DDX49: variants seen among roughly 807,000 people sequenced by gnomAD.
DDX49 encodes the protein DEAD-box helicase 49.
In DDX49, 50 loss-of-function variants were observed where a neutral mutation model predicts 56.3. The observed-to-expected ratio is 0.89, with a 90% confidence interval of 0.71 to 1.12. The LOEUF is 1.12. Among genes scored for constraint, DDX49 ranks in the 50% most tolerant of loss-of-function variants. DDX49 has a pLI of 0.00. For missense variants in DDX49, 614 were observed against 650.5 expected, an observed-to-expected ratio of 0.94 and a Z score of 0.61; for synonymous variants, 269 against 270.6, an observed-to-expected ratio of 0.99 and a Z score of 0.06.
chr19:18,921,869 T>G lies in DDX49; in HGVS notation c.352T>G (p.Ser118Ala), dbSNP rs1458505998. Residue 118 changes from serine to alanine, a missense_variant, in exon 4 of 13, where the codon TCT becomes GCT. Physicochemically the swap from Ser to Ala is moderately conservative, Grantham distance 99. Transcript: ENST00000247003. ...MDMVAQALEL[S>A]RKPHVVIATP... The stretch of plus-strand genomic sequence containing the variant: ...CATGGTGGCCCAGGCGCTGGAGCTC[T>G]CTCGGAAACCACACGTGGTCATCGC... The G allele has an allele frequency of 3.1e-6, 5 of 1,614,020 alleles. No individual in the cohort carries two copies. Among genetic ancestry groups the G allele is most frequent in the Non-Finnish European group, 4.2e-6 (5 of 1,180,020 alleles).
rs1196288239 is a variant in DDX49 at position 18,919,857 on chromosome 19, G to A, written c.115+1G>A. The A allele has an allele frequency of 6.3e-7, 1 of 1,596,362 alleles. No homozygotes were observed. ...GGCTGCATCCCCGCCATCCTGGAGG[G>A]TGAGTATGGCCCAGGGCCTTCCCCA... is the stretch of plus-strand genomic sequence containing the variant. On this transcript the variant is annotated splice_donor_variant, in intron 1 of 12. Transcript: ENST00000247003. LOFTEE classifies it high-confidence loss of function.
At chr19:18,922,887 C>A in intron 6 of DDX49, 143 bp downstream of exon 6, 1 of 1,093,468 alleles carries the variant, frequency 9.1e-7, no homozygotes, top group Non-Finnish European at 1.3e-6. Context: ...CTCAAGGAGC[C>A]AAGGTCCCTC....
chr19:18,924,730 A>G (rs755328461), intron 8 of DDX49, 31 bp downstream of exon 8: 1 of 1,613,724 alleles, frequency 6.2e-7, no homozygotes, highest in Non-Finnish European at 8.5e-7. Context: ...TGCCAAGGGC[A>G]CTCCCTCTTT....
chr19:18,924,148 A>T, intron 6 of DDX49, 85 bp from the exon 7 acceptor site: 1 of 1,321,062 alleles, frequency 7.6e-7, no homozygotes, highest in Non-Finnish European at 1.1e-6. Context: ...CCACTGTGCT[A>T]GGTGTCTCAG....
rs993218877 is a variant in DDX49 at position 18,928,606 on chromosome 19, A to G, written c.*290A>G. ...GGGTGCCGCATACAGGAGGTGCTTA[A>G]TAAACGGGTCTTTTGACTTCCTCAG... On this transcript the variant is annotated 3_prime_UTR_variant, in exon 13 of 13. Coordinates refer to ENST00000247003, the MANE Select transcript of DDX49 (RefSeq NM_019070.5). 5 of 369,276 alleles carry G rather than the reference A, an allele frequency of 1.4e-5. No homozygotes were observed. Among genetic ancestry groups the G allele is most frequent in the Non-Finnish European group, 2.0e-5 (4 of 204,508 alleles). The allele number at this position is 369,276 out of a possible 1,614,324, so 22.9% of individuals were successfully genotyped here.
rs994948504 is a variant in DDX49, at chr19:18,923,447, G to T, written c.776+703G>T. On this transcript the variant is annotated intron_variant, in intron 6 of 12. Coordinates refer to ENST00000247003, the MANE Select transcript of DDX49 (RefSeq NM_019070.5). ...TGAGGCGGGAGAATCACTTGAACCC[G>T]GTAGGTGGAGGTTACAGTGAGCCGA... Among the ~76,000 whole-genome samples, 9 of 152,210 alleles carry T rather than the reference G, an allele frequency of 5.9e-5. No homozygotes were observed. The East Asian group carries it at 1.7e-3, about 30-fold the overall frequency.
In DDX49 at chr19:18,922,636, A is replaced by G; in HGVS notation, c.668A>G (p.Tyr223Cys). Reference sequence around the variant, plus strand: ...ACCGTGGAGCAGCTGGACCAGCGCTACCTGCTGGTGCCTGAGAAGGTCAAG... The same window carrying G: ...ACCGTGGAGCAGCTGGACCAGCGCTGCCTGCTGGTGCCTGAGAAGGTCAAG... ...VSTVEQLDQR[Y>C]LLVPEKVKDA... Residue 223 changes from tyrosine to cysteine, a missense_variant, in exon 6 of 13, where the codon TAC becomes TGC. By Grantham distance (194) the Tyr-to-Cys change is radical (BLOSUM62 -2). Transcript: ENST00000247003. 2 of 1,613,870 alleles carry G rather than the reference A, an allele frequency of 1.2e-6. No homozygotes were observed. The highest frequency in any genetic ancestry group is 1.3e-5 in the African/African-American group (1 of 75,044).
chr19:18,926,673 G>A (rs1824315926), intron 10 of DDX49, among the ~76,000 whole-genome samples: 1 of 152,112 alleles, frequency 6.6e-6, no homozygotes, highest in Admixed American at 6.6e-5. Flanking sequence ...CCATTGACAG[G>A]GCCTGGCCTG....
At chr19:18,927,686 G>T in intron 10 of DDX49, 80 bp from the exon 11 acceptor site, 1 of 1,219,368 alleles carries the variant, frequency 8.2e-7, no homozygotes. Flanking sequence ...CACAGCATGG[G>T]GAACTCACTA....
At chr19:18,924,746 C>T (rs539250879) in intron 8 of DDX49, 47 bp downstream of exon 8, 24 of 1,613,598 alleles carry the variant, frequency 1.5e-5, no homozygotes, top group Non-Finnish European at 1.7e-5. Flanking sequence ...TCTTTTACTA[C>T]AAGGCCCCAC....
Position 18,921,688 on chromosome 19 carries a change from C to T in DDX49, c.265C>T (p.Gln89Ter), listed in dbSNP as rs755161139. 1.2e-6 allele frequency: 2 copies of T among 1,614,122 alleles called. No homozygotes were observed. The highest frequency in any genetic ancestry group is 1.7e-6 in the Non-Finnish European group (2 of 1,180,010). Reference protein sequence around the residue: ...TRELAYQIAEQFRVLGKPLGL... With the variant: ...TRELAYQIAE ...GGAGCTGGCCTACCAGATCGCAGAG[C>T]AGTTCCGGGTCCTGGGGAAGCCTCT... Residue 89 changes from glutamine to a stop codon, truncating the protein, a stop_gained, in exon 3 of 13, where the codon CAG becomes TAG. Transcript: ENST00000247003. LOFTEE classifies it high-confidence loss of function.
intron 6 of DDX49, among the ~76,000 whole-genome samples, chr19:18,923,550 G>A (rs978267456): frequency 1.3e-5 from 2 of 152,076 alleles, no homozygotes; most frequent in African/African-American, 4.8e-5. Flanking sequence ...TTGGCTGCAG[G>A]GTGGCTGTCA....
At position 18,928,150 on chromosome 19, in the gene DDX49, G is replaced by T; in HGVS notation, c.1286G>T (p.Arg429Leu). Reference sequence around the variant, plus strand: ...CAGGACCCTGACCTGGAGGCCAAGCGCAAGGCTGAGCTGGCCAAGATCAAG... The same window carrying T: ...CAGGACCCTGACCTGGAGGCCAAGCTCAAGGCTGAGCTGGCCAAGATCAAG... Reference protein sequence around the residue: ...EGKDPDLEAKRKAELAKIKQK... With the variant: ...EGKDPDLEAKLKAELAKIKQK... Residue 429 changes from arginine (R) to leucine (L), a missense_variant, in exon 13 of 13, where the codon CGC becomes CTC. Transcript: ENST00000247003. 1 of 1,600,578 alleles carries T rather than the reference G, an allele frequency of 6.2e-7. No individual in the cohort carries two copies. Among genetic ancestry groups the T allele is most frequent in the Non-Finnish European group, 8.5e-7 (1 of 1,173,680 alleles).
intron 10 of DDX49, 75 bp from the exon 11 acceptor site, chr19:18,927,691 T>C: frequency 2.3e-6 from 3 of 1,294,198 alleles, no homozygotes; most frequent in Non-Finnish European, 3.3e-6. Flanking sequence ...CATGGGGAAC[T>C]CACTACTTGG....
In DDX49 at chr19:18,922,814, G is replaced by A. The variant is rs151055717; in HGVS notation, c.776+70G>A. On this transcript the variant is annotated intron_variant, in intron 6 of 12. Transcript: ENST00000247003. ...GAGGTGGCCCGACGTCTTTGGTCTG[G>A]GACACACAGCCAGTCTCAGCACTCC... 1,410 of 1,560,922 alleles carry A rather than the reference G, an allele frequency of 9.0e-4. 8 individuals carry two copies. The African/African-American group carries it at 0.017, about 19-fold the overall frequency.
chr19:18,925,248 T>C (rs1265497219), intron 9 of DDX49: 12 of 379,710 alleles, frequency 3.2e-5, no homozygotes, highest in Non-Finnish European at 5.6e-5. Flanking sequence ...AGCAAAACTC[T>C]GTCTCCAAAA....
rs546737559 is a variant in DDX49 at position 18,921,682 on chromosome 19, G to A, written c.259G>A (p.Ala87Thr). The A allele has an allele frequency of 2.5e-6, 4 of 1,614,008 alleles. No homozygotes were observed. The highest frequency in any genetic ancestry group is 2.2e-5 in the East Asian group (1 of 44,890). ...CCACAGGGAGCTGGCCTACCAGATC[G>A]CAGAGCAGTTCCGGGTCCTGGGGAA... Reference protein sequence around the residue: ...TPTRELAYQIAEQFRVLGKPL... With the variant: ...TPTRELAYQITEQFRVLGKPL... Residue 87 changes from alanine to threonine, a missense_variant, in exon 3 of 13, where the codon GCA becomes ACA. Transcript: ENST00000247003.
rs1454805080 is a variant in DDX49 at position 18,922,521 on chromosome 19, C to T, written c.635+8C>T. On this transcript the variant is annotated splice_region_variant and intron_variant, in intron 5 of 12. Coordinates refer to ENST00000247003, the MANE Select transcript of DDX49 (RefSeq NM_019070.5). Reference sequence around the variant, plus strand: ...CTGGGAAGCACAGGCCCCGTGAGTCCACAGCCCAGACAGCGTGGGGAGGGC... The same window carrying T: ...CTGGGAAGCACAGGCCCCGTGAGTCTACAGCCCAGACAGCGTGGGGAGGGC... 7.1e-5 allele frequency: 114 copies of T among 1,599,838 alleles called. No homozygotes were observed. Among genetic ancestry groups the T allele is most frequent in the Non-Finnish European group, 9.4e-5 (111 of 1,174,888 alleles).
At chr19:18,927,730 T>G (rs1568331759) in intron 10 of DDX49, 36 bp from the exon 11 acceptor site, 4 of 1,561,112 alleles carry the variant, frequency 2.6e-6, no homozygotes, top group Non-Finnish European at 2.6e-6. Context: ...TCACGTCTCC[T>G]CCCCACCCCC....
Sources: gnomAD v4.1 joint callset for allele counts (sites outside exome capture counted in the v4.1 genomes callset) on GRCh38, gnomAD v4.1.1 for gene constraint, MANE v1.5 for transcripts, NCBI Gene and HGNC (gene_info 2026-07-23, HGNC 2026-07-21) for gene names.